The following CDKN3 variants were observed in gnomAD, a reference collection of about 807,000 sequenced individuals.
CDKN3 encodes cyclin dependent kinase inhibitor 3, also known as cyclin-dependent kinase inhibitor 3.
CDKN3 carries 19 observed loss-of-function variants against 36.1 expected under a neutral mutation model. The ratio of observed to expected loss-of-function variants is 0.53; its 90% CI spans 0.37 to 0.77. The LOEUF is 0.77. Among genes scored for constraint, CDKN3 ranks in the 30% least tolerant of loss-of-function variants. The pLI is 0.00. For synonymous variants in CDKN3, 71 were observed against 85.3 expected (o/e 0.83, Z 0.92); for missense variants, 188 against 248.6 (o/e 0.76, Z 1.64).
At chr14:54,410,162 T>C (rs748744461) in intron 4 of CDKN3, among the ~76,000 whole-genome samples, 2 of 152,194 alleles carry the variant, frequency 1.3e-5, no homozygotes, top group Non-Finnish European at 2.9e-5. Context: ...CTTTTTTTTC[T>C]GCAATGAAAT....
chr14:54,418,904 A>C (rs1444515976), intron 7 of CDKN3, among the ~76,000 whole-genome samples: 1 of 152,190 alleles, frequency 6.6e-6, no homozygotes, highest in Non-Finnish European at 1.5e-5. Flanking sequence ...TCATGCCTAT[A>C]TCCTAGCACT....
intron 3 of CDKN3, among the ~76,000 whole-genome samples, chr14:54,407,913 G>A (rs77585419): frequency 5.0e-3 from 764 of 152,244 alleles, no homozygotes; most frequent in Non-Finnish European, 8.6e-3. Flanking sequence ...GAAATCACCC[G>A]TCTTCTTTCT....
rs182757358 is a variant in CDKN3 at position 54,412,784 on chromosome 14, C to T, written c.416+1078C>T. On this transcript the variant is annotated intron_variant, in intron 5 of 7. Transcript: ENST00000335183. ...GCCATGGGGAGGAAACTGGACTTTG[C>T]CGTGCATAATGTATATTTCATATTC... The T allele has an allele frequency of 3.6e-3, 1,589 of 441,718 alleles. 5 individuals are homozygous for T. The highest frequency in any genetic ancestry group is 5.6e-3 in the Non-Finnish European group (1,202 of 215,272). 27.4% of individuals were successfully genotyped at this position (441,718 alleles called of 1,614,324 possible). A position where few individuals can be genotyped will look rare whatever the true frequency, so the allele number is the denominator to read the frequency against.
intron 3 of CDKN3, among the ~76,000 whole-genome samples, chr14:54,405,408 T>C (rs2139973212): frequency 6.6e-6 from 1 of 152,296 alleles, no homozygotes; most frequent in East Asian, 1.9e-4. Flanking sequence ...TAATTTTCTG[T>C]CTCGCTGATC....
intron 3 of CDKN3, among the ~76,000 whole-genome samples, chr14:54,402,684 T>C (rs995065896): frequency 6.6e-6 from 1 of 152,226 alleles, no homozygotes; most frequent in Non-Finnish European, 1.5e-5. Flanking sequence ...GAGTTTTAGG[T>C]CTTAGGTTTA....
At position 54,419,997 on chromosome 14, in the gene CDKN3, C is replaced by T. The variant is rs147852278; in HGVS notation, c.558C>T (p.Tyr186=). The T allele has an allele frequency of 5.0e-6, 8 of 1,595,074 alleles. No homozygotes were observed. In the East Asian group the frequency reaches 6.7e-5, roughly 13 times the overall value. ...TGTATCTTTACTTTTTTCAGCAATACAATTATCTTCATGAGTTTCGGGACA... is the reference window on the plus strand; with the variant it reads ...TGTATCTTTACTTTTTTCAGCAATATAATTATCTTCATGAGTTTCGGGACA... ...GSGAIQTIKQ[Y]NYLHEFRDKL... The change falls in exon 8 of 8, where the codon TAC becomes TAT. Residue 186 remains tyrosine (Y), a synonymous_variant. Coordinates refer to ENST00000335183, the MANE Select transcript of CDKN3 (RefSeq NM_005192.4).
At chr14:54,410,985 C>A (rs575930401) in intron 4 of CDKN3, among the ~76,000 whole-genome samples, 189 of 152,124 alleles carry the variant, frequency 1.2e-3, no homozygotes, top group Non-Finnish European at 1.8e-3. Context: ...TCAAGACCAG[C>A]CTGACAAACA....
At chr14:54,397,224 G>C (rs968042405) in intron 1 of CDKN3, 147 bp downstream of exon 1, 20 of 955,028 alleles carry the variant, frequency 2.1e-5, no homozygotes, top group Non-Finnish European at 2.3e-5. Context: ...GAGGTGACTC[G>C]CACGGGCCCA....
chr14:54,413,576 T>C, intron 5 of CDKN3: 1 of 1,448,256 alleles, frequency 6.9e-7, no homozygotes, highest in South Asian at 1.2e-5. Flanking sequence ...AAATAAAGCA[T>C]CTGACAACTG....
chr14:54,420,174 T>C lies in CDKN3; in HGVS notation c.*96T>C. 4.4e-6 allele frequency: 3 copies of C among 678,196 alleles called. No homozygotes were observed. The highest frequency in any genetic ancestry group is 7.7e-6 in the Non-Finnish European group (3 of 390,044). 42.0% of individuals were successfully genotyped at this position (678,196 alleles called of 1,614,324 possible). A position where few individuals can be genotyped will look rare whatever the true frequency, so the allele number is the denominator to read the frequency against. On this transcript the variant is annotated 3_prime_UTR_variant, in exon 8 of 8. Transcript: ENST00000335183. ...AAACCACCAGTGTTATCAACTTGAA[T>C]GTAAATGTACATGTGCAGATATTCC...
intron 5 of CDKN3, among the ~76,000 whole-genome samples, chr14:54,412,392 A>AAAAAG (rs56665218): frequency 6.6e-6 from 1 of 150,800 alleles, no homozygotes. Context: ...AGAAAAAAAA[A>AAAAAG]AATAAAGAAA....
chr14:54,407,330 C>G (rs761092749), intron 3 of CDKN3, among the ~76,000 whole-genome samples: 27 of 152,296 alleles, frequency 1.8e-4, no homozygotes, highest in Middle Eastern at 6.8e-3. Flanking sequence ...GTTCAGGGAC[C>G]CACTTGAGGA....
In CDKN3 at chr14:54,399,934, A is replaced by G; in HGVS notation, c.50A>G (p.Glu17Gly). Residue 17 changes from glutamate (E) to glycine (G), a missense_variant, in exon 2 of 8, where the codon GAA becomes GGA. Physicochemically the swap from Glu to Gly is moderately conservative, Grantham distance 98 (BLOSUM62 -2). Transcript: ENST00000335183. ...IQTSEFDSSD[E>G]EPIEDEQTPI... ...ACAAGTGAGTTTGACTCATCAGATG[A>G]AGAGCCTATTGAAGATGAACAGACT... 1 of 1,580,582 alleles carries G rather than the reference A, an allele frequency of 6.3e-7. No individual in the cohort carries two copies. Among genetic ancestry groups the G allele is most frequent in the African/African-American group, 1.3e-5 (1 of 74,418 alleles).
rs4251677 is a variant in CDKN3 at position 54,419,666 on chromosome 14, G to T, written c.553-326G>T. The stretch of plus-strand genomic sequence containing the variant: ...GTCCTTCTTACCAGGGGGGAAAAAT[G>T]TTAGCAAAAATAATGCCATTATGTA... On this transcript the variant is annotated intron_variant, in intron 7 of 7. Coordinates refer to ENST00000335183, the MANE Select transcript of CDKN3 (RefSeq NM_005192.4). 3.9e-3 allele frequency among the ~76,000 whole-genome samples: 591 copies of T among 152,260 alleles called. 4 individuals are homozygous for T. The highest frequency in any genetic ancestry group is 0.011 in the Admixed American group (173 of 15,290).
Position 54,420,194 on chromosome 14 carries a change from T to C in CDKN3, c.*116T>C. On this transcript the variant is annotated 3_prime_UTR_variant, in exon 8 of 8. Transcript: ENST00000335183. Reference sequence around the variant, plus strand: ...TTGAATGTAAATGTACATGTGCAGATATTCCTAAAGTTTTATTGACAAAAC... The same window carrying C: ...TTGAATGTAAATGTACATGTGCAGACATTCCTAAAGTTTTATTGACAAAAC... 1.8e-6 allele frequency: 1 copy of C among 568,686 alleles called. No individual in the cohort carries two copies. The highest frequency in any genetic ancestry group is 3.1e-6 in the Non-Finnish European group (1 of 322,100). The allele number at this position is 568,686 out of a possible 1,614,324, so 35.2% of individuals were successfully genotyped here.
intron 7 of CDKN3, among the ~76,000 whole-genome samples, chr14:54,418,805 A>AT (rs2030634111): frequency 6.6e-6 from 1 of 152,206 alleles, no homozygotes; most frequent in African/African-American, 2.4e-5. Flanking sequence ...TAACGGGACA[A>AT]TCCATACAAG....
Position 54,400,188 on chromosome 14 carries a change from T to C in CDKN3, c.92+212T>C, listed in dbSNP as rs116324057. Among the ~76,000 whole-genome samples the C allele has an allele frequency of 6.9e-3, 1,038 of 151,470 alleles. 9 individuals carry two copies. The highest frequency in any genetic ancestry group is 0.022 in the African/African-American group (896 of 41,332). On this transcript the variant is annotated intron_variant, in intron 2 of 7. Transcript: ENST00000335183. ...ATAATACAGAATAAGACCCTTTTTT[T>C]TTTTTGGCCCTTCTTTATACATTCT...
intron 6 of CDKN3, among the ~76,000 whole-genome samples, 177 bp downstream of exon 6, chr14:54,416,107 AG>A (rs2030534967): frequency 6.6e-6 from 1 of 152,168 alleles, no homozygotes; most frequent in African/African-American, 2.4e-5. Flanking sequence ...TGGGAGTGGG[AG>A]GTATTTTCAG....
In CDKN3 at chr14:54,416,980, A is replaced by G. The variant is rs547410361; in HGVS notation, c.449-868A>G. ...AATGCAAATCAGAACCACAGTGGATACCACTTGACACCAATTAGGAAGGGT... is the reference window on the plus strand; with the variant it reads ...AATGCAAATCAGAACCACAGTGGATGCCACTTGACACCAATTAGGAAGGGT... On this transcript the variant is annotated intron_variant, in intron 6 of 7. Coordinates refer to ENST00000335183, the MANE Select transcript of CDKN3 (RefSeq NM_005192.4). 3.2e-4 allele frequency among the ~76,000 whole-genome samples: 49 copies of G among 152,350 alleles called. 1 individual carries two copies. The South Asian group carries it at 9.7e-3, about 30-fold the overall frequency.
Sources: gnomAD v4.1 joint callset for allele counts (sites outside exome capture counted in the v4.1 genomes callset) on GRCh38, gnomAD v4.1.1 for gene constraint, MANE v1.5 for transcripts, NCBI Gene and HGNC (gene_info 2026-07-23, HGNC 2026-07-21) for gene names.